TTLL7: variants seen among roughly 807,000 people sequenced by gnomAD.
The protein encoded by TTLL7 is tubulin tyrosine ligase like 7.
In TTLL7, 53 loss-of-function variants were observed where a neutral mutation model predicts 120.2. The observed-to-expected ratio is 0.44, with a 90% CI of 0.35 to 0.55. The LOEUF is 0.55. Ranked by LOEUF, TTLL7 falls within the 20% of genes least tolerant of loss-of-function variation. TTLL7 has a pLI of 0.00. For synonymous variants in TTLL7, 353 were observed against 351.7 expected, an observed-to-expected ratio of 1.00 and a Z score of -0.04; for missense variants, 803 against 1,054.7, an observed-to-expected ratio of 0.76 and a Z score of 3.31.
At chr1:83,959,581 C>T (rs1433158191) in intron 1 of TTLL7, among the ~76,000 whole-genome samples, 1 of 152,102 alleles carries the variant, frequency 6.6e-6, no homozygotes, top group Non-Finnish European at 1.5e-5. Flanking sequence ...CAGTTTACCC[C>T]CCTTGTTTGA....
intron 19 of TTLL7, among the ~76,000 whole-genome samples, chr1:83,886,299 T>C (rs1200277843): frequency 6.6e-6 from 1 of 152,016 alleles, no homozygotes; most frequent in East Asian, 1.9e-4. Context: ...AAAGTTGTGG[T>C]AGGGGTCCCT....
At chr1:83,980,938 A>AC in intron 1 of TTLL7, 1 of 152,282 alleles carries the variant, frequency 6.6e-6, no homozygotes, top group African/African-American at 2.4e-5. Context: ...TAAACTAAGT[A>AC]TGTATAAAGT....
At chr1:83,955,908 G>A (rs1433203521) in intron 1 of TTLL7, among the ~76,000 whole-genome samples, 3 of 152,106 alleles carry the variant, frequency 2.0e-5, no homozygotes, top group East Asian at 3.9e-4. Flanking sequence ...GGCTAAGAAG[G>A]AATGATAGCT....
chr1:83,906,287 A>G, intron 17 of TTLL7, 42 bp downstream of exon 17: 1 of 1,494,564 alleles, frequency 6.7e-7, no homozygotes, highest in Non-Finnish European at 9.2e-7. Context: ...AAGAATAAAA[A>G]GGTACCAGCT....
At chr1:83,922,838 A>C (rs1658798385) in intron 10 of TTLL7, among the ~76,000 whole-genome samples, 3 of 151,090 alleles carry the variant, frequency 2.0e-5, no homozygotes, top group African/African-American at 7.3e-5. Flanking sequence ...GAAAAGAAGC[A>C]GAAAGTTAAG....
chr1:83,875,643 A>C (rs2100697353), intron 20 of TTLL7, among the ~76,000 whole-genome samples: 1 of 151,760 alleles, frequency 6.6e-6, no homozygotes, highest in East Asian at 1.9e-4. Context: ...AGTTCCTATT[A>C]CTCTATGTTC....
chr1:83,903,419 T>C lies in TTLL7; in HGVS notation c.2208+660A>G, dbSNP rs548303010. 3.3e-5 allele frequency among the ~76,000 whole-genome samples: 5 copies of C among 152,082 alleles called. No homozygotes were observed. In the East Asian group the frequency reaches 9.7e-4, roughly 30 times the overall value. ...ATACTACCTTCCCTCTATTTTTTTATCTCAATTTATTTTTCTTCATAGTAC... is the reference window on the plus strand; with the variant it reads ...ATACTACCTTCCCTCTATTTTTTTACCTCAATTTATTTTTCTTCATAGTAC... On this transcript the variant is annotated intron_variant, in intron 18 of 20. Transcript: ENST00000260505.
rs1655003353 is a variant in TTLL7, at chr1:83,886,693, A to G, written c.2370-3557T>C. On this transcript the variant is annotated intron_variant, in intron 19 of 20. Transcript: ENST00000260505. The stretch of plus-strand genomic sequence containing the variant: ...CCAGATTCTCTTCTTTAGGGTTTAC[A>G]TATTGGATTTTGAGTGGAGATGGGG... Among the ~76,000 whole-genome samples, 4 of 151,986 alleles carry G rather than the reference A, an allele frequency of 2.6e-5. No individual in the cohort carries two copies. The South Asian group carries it at 6.2e-4, about 24-fold the overall frequency.
intron 19 of TTLL7, among the ~76,000 whole-genome samples, chr1:83,884,202 T>C (rs932355589): frequency 6.6e-6 from 1 of 151,710 alleles, no homozygotes; most frequent in Non-Finnish European, 1.5e-5. Context: ...TCCTTGAAAC[T>C]CTTCAAGCCT....
chr1:83,885,189 A>T (rs561663670), intron 19 of TTLL7: 58 of 173,438 alleles, frequency 3.3e-4, no homozygotes, highest in African/African-American at 1.3e-3. Context: ...TATACAAAAA[A>T]AATCCTGTGT....
intron 1 of TTLL7, chr1:83,984,072 C>CA (rs1288461392): frequency 6.8e-6 from 1 of 146,068 alleles, no homozygotes; most frequent in Non-Finnish European, 1.5e-5. Flanking sequence ...CCCTGGGTGA[C>CA]AGAGTGAGAC....
intron 8 of TTLL7, among the ~76,000 whole-genome samples, chr1:83,934,712 G>T (rs112061537): frequency 2.0e-5 from 3 of 152,230 alleles, no homozygotes; most frequent in African/African-American, 7.2e-5. Context: ...TACAGGTATA[G>T]GCAATAGAAA....
intron 19 of TTLL7, chr1:83,890,065 T>G: frequency 6.3e-6 from 1 of 159,786 alleles, no homozygotes; most frequent in Non-Finnish European, 1.6e-5. Context: ...ACTTCAAGGA[T>G]ATTGGTTTGT....
At chr1:83,976,165 T>A (rs11163877) in intron 1 of TTLL7, among the ~76,000 whole-genome samples, 73,822 of 151,486 alleles carry the variant, frequency 0.49, 18,835 homozygotes, top group Non-Finnish European at 0.57. Flanking sequence ...AACTAGAGAT[T>A]AAAATCACAA....
chr1:83,867,530 TTGTGTGTG>T lies in TTLL7; in HGVS notation c.*2424_*2431del, dbSNP rs34769678. On this transcript the variant is annotated 3_prime_UTR_variant, in exon 21 of 21. Transcript: ENST00000260505. The stretch of plus-strand genomic sequence containing the variant: ...CATTTAAATTTACTCAGTTTTTAAA[TTGTGTGTG>T]TGTGTGTGTGTGTGTTTTCTGTGAG... The T allele has an allele frequency of 2.7e-5, 4 of 149,234 alleles. No individual in the cohort carries two copies. Among genetic ancestry groups the T allele is most frequent in the Admixed American group, 2.0e-4 (3 of 14,920 alleles). 9.2% of individuals were successfully genotyped at this position (149,234 alleles called of 1,614,324 possible).
At chr1:83,967,131 T>C (rs1338079449) in intron 1 of TTLL7, among the ~76,000 whole-genome samples, 1 of 152,148 alleles carries the variant, frequency 6.6e-6, no homozygotes, top group Non-Finnish European at 1.5e-5. Flanking sequence ...TACTTACTAC[T>C]AAGAAAGCAC....
At chr1:83,971,384 A>T (rs1402039749) in intron 1 of TTLL7, among the ~76,000 whole-genome samples, 2 of 152,100 alleles carry the variant, frequency 1.3e-5, no homozygotes, top group Non-Finnish European at 2.9e-5. Flanking sequence ...TAGGAATTAA[A>T]ATCTGTTTGG....
intron 18 of TTLL7, among the ~76,000 whole-genome samples, chr1:83,897,187 G>C (rs182503908): frequency 1.3e-3 from 202 of 151,982 alleles, no homozygotes; most frequent in African/African-American, 4.7e-3. Context: ...TTTACAACAG[G>C]CTAATAACCA....
chr1:83,873,998 G>A (rs1033881294), intron 20 of TTLL7, among the ~76,000 whole-genome samples: 8 of 152,024 alleles, frequency 5.3e-5, no homozygotes, highest in African/African-American at 9.7e-5. Flanking sequence ...CTATTAAATA[G>A]TGTTTTTCTT....
Sources: gnomAD v4.1 joint callset for allele counts (sites outside exome capture counted in the v4.1 genomes callset) on GRCh38, gnomAD v4.1.1 for gene constraint, MANE v1.5 for transcripts, NCBI Gene and HGNC (gene_info 2026-07-23, HGNC 2026-07-21) for gene names.